AQR: variants seen among roughly 807,000 people sequenced by gnomAD.
AQR encodes the protein RNA helicase aquarius.
AQR carries 61 observed loss-of-function variants against 180.5 expected under a neutral mutation model. The ratio of observed to expected loss-of-function variants is 0.34; its 90% confidence interval spans 0.28 to 0.42. AQR has a LOEUF of 0.42. Ranked by LOEUF, AQR falls within the 10% of genes least tolerant of loss-of-function variation. The probability of loss-of-function intolerance (pLI) is 1.00; values close to 1 mark genes in which losing one functional copy is unlikely to be tolerated. For missense variants in AQR, 1,281 were observed against 1,798.3 expected, an observed-to-expected ratio of 0.71 and a Z score of 5.20; for synonymous variants, 551 against 588.8, an observed-to-expected ratio of 0.94 and a Z score of 0.93.
rs555651924 is a variant in AQR, at chr15:34,904,100, A to G, written c.2001+236T>C. The stretch of plus-strand genomic sequence containing the variant: ...TTTAGAATAACACTTGGATTCATCT[A>G]TATTTTAAGTTTTTAAACTCCTCAA... On this transcript the variant is annotated intron_variant, in intron 19 of 34. Coordinates refer to ENST00000156471, the MANE Select transcript of AQR (RefSeq NM_014691.3). Among the ~76,000 whole-genome samples the G allele has an allele frequency of 1.5e-3, 221 of 152,248 alleles. 2 individuals are homozygous for G. Among genetic ancestry groups the G allele is most frequent in the African/African-American group, 5.0e-3 (208 of 41,572 alleles).
chr15:34,893,478 T>C (rs1276412415), intron 23 of AQR, among the ~76,000 whole-genome samples, 185 bp downstream of exon 23: 1 of 152,080 alleles, frequency 6.6e-6, no homozygotes, highest in Non-Finnish European at 1.5e-5. Flanking sequence ...AGGGAACAGG[T>C]AGGCCAGGCT....
In AQR at chr15:34,948,535, A is replaced by G. The variant is rs1479814123; in HGVS notation, c.210-151T>C. The G allele has an allele frequency of 3.8e-6, 4 of 1,043,446 alleles. No homozygotes were observed. The Admixed American group carries it at 1.1e-4, about 30-fold the overall frequency. 64.6% of individuals were successfully genotyped at this position (1,043,446 alleles called of 1,614,324 possible). On this transcript the variant is annotated intron_variant, in intron 4 of 34. Transcript: ENST00000156471. ...CTTGGAATCCTTGGCTGGGTGTGGTAGCTCATGCCTGTAATCCCAGCACTT... is the reference window on the plus strand; with the variant it reads ...CTTGGAATCCTTGGCTGGGTGTGGTGGCTCATGCCTGTAATCCCAGCACTT...
chr15:34,955,926 T>C (rs1258085031), intron 3 of AQR, among the ~76,000 whole-genome samples: 2 of 145,168 alleles, frequency 1.4e-5, no homozygotes, highest in Non-Finnish European at 3.0e-5. Flanking sequence ...AAAAAAAAAA[T>C]GAAGCCAGCC....
chr15:34,900,094 T>C (rs1893308037), intron 20 of AQR, among the ~76,000 whole-genome samples: 1 of 151,968 alleles, frequency 6.6e-6, no homozygotes, highest in African/African-American at 2.4e-5. Flanking sequence ...GGTCTCGCTA[T>C]GTTGCCCAGG....
Position 34,874,868 on chromosome 15 carries a change from G to C in AQR, c.3238-4C>G. ...GGCTAAATCCATCCTGAGGATTCTA[G>C]AAATGAAAAGTAAGGAAATGGCAAA... On this transcript the variant is annotated splice_region_variant and splice_polypyrimidine_tract_variant and intron_variant, in intron 28 of 34. Transcript: ENST00000156471. 1 of 1,611,046 alleles carries C rather than the reference G, an allele frequency of 6.2e-7. No individual in the cohort carries two copies. Among genetic ancestry groups the C allele is most frequent in the Non-Finnish European group, 8.5e-7 (1 of 1,178,892 alleles).
chr15:34,961,503 C>T (rs1376171087), intron 2 of AQR, among the ~76,000 whole-genome samples: 5 of 150,394 alleles, frequency 3.3e-5, no homozygotes, highest in Admixed American at 1.3e-4. Context: ...CCAACTACTT[C>T]GGAGGCTGAG....
intron 32 of AQR, among the ~76,000 whole-genome samples, chr15:34,863,377 G>A (rs1892697981): frequency 6.6e-6 from 1 of 152,030 alleles, no homozygotes; most frequent in African/African-American, 2.4e-5. Context: ...GAGTCAATTC[G>A]AACTAGCTCT....
chr15:34,943,899 C>A (rs1894067939), intron 6 of AQR, among the ~76,000 whole-genome samples: 1 of 152,190 alleles, frequency 6.6e-6, no homozygotes, highest in Non-Finnish European at 1.5e-5. Flanking sequence ...TGATGAAAAG[C>A]AATGAAACTA....
intron 15 of AQR, 59 bp downstream of exon 15, chr15:34,918,199 T>C (rs1162502460): frequency 6.3e-6 from 10 of 1,578,218 alleles, no homozygotes; most frequent in Non-Finnish European, 8.6e-6. Context: ...TTGCCAATTA[T>C]ATATGATAAA....
chr15:34,953,509 T>A (rs1016508844), intron 3 of AQR, among the ~76,000 whole-genome samples: 4 of 152,192 alleles, frequency 2.6e-5, no homozygotes, highest in Non-Finnish European at 4.4e-5. Flanking sequence ...GAAACCACTA[T>A]CCTGTCAAAA....
At chr15:34,889,024 T>G (rs1000301406) in intron 24 of AQR, among the ~76,000 whole-genome samples, 1 of 152,238 alleles carries the variant, frequency 6.6e-6, no homozygotes, top group African/African-American at 2.4e-5. Flanking sequence ...ATTCTACCCC[T>G]ATTCTAATAT....
intron 30 of AQR, among the ~76,000 whole-genome samples, chr15:34,871,506 CAAA>C (rs916025647): frequency 4.3e-4 from 27 of 62,342 alleles, no homozygotes; most frequent in African/African-American, 1.2e-3. Flanking sequence ...ATCTCATCTC[CAAA>C]AAAAAAAAAA....
intron 13 of AQR, among the ~76,000 whole-genome samples, chr15:34,925,715 C>A (rs1192897812): frequency 6.7e-6 from 1 of 150,326 alleles, no homozygotes; most frequent in Non-Finnish European, 1.5e-5. Context: ...TGCCTGTAGT[C>A]CCAGCTATTC....
chr15:34,883,998 T>C (rs902532748), intron 26 of AQR, among the ~76,000 whole-genome samples: 6 of 152,196 alleles, frequency 3.9e-5, no homozygotes, highest in South Asian at 2.1e-4. Context: ...AGAACCATTA[T>C]TGAATTTCTT....
intron 4 of AQR, among the ~76,000 whole-genome samples, chr15:34,949,580 G>A (rs1894184357): frequency 8.3e-6 from 1 of 120,970 alleles, no homozygotes; most frequent in Non-Finnish European, 1.6e-5. Context: ...CTGCACTCCA[G>A]CCTGGCAACA....
In AQR at chr15:34,932,358, T is replaced by G; in HGVS notation, c.860A>C (p.Asn287Thr). Residue 287 changes from asparagine (N) to threonine (T), a missense_variant, in exon 11 of 35, where the codon AAT becomes ACT. Asn to Thr is a moderately conservative substitution (Grantham distance 65). Around this residue, in one of 9 missense-constraint regions of AQR, gnomAD observed 404 missense variants for 490.9 expected, o/e 0.82. Transcript: ENST00000156471. ...SHLLVHCYLSNLVRREEDGHL... is the reference protein window; with the variant it reads ...SHLLVHCYLSTLVRREEDGHL... ...GCCATCCTCTTCTCTACGAACAAGA[T>G]TGGAAAGGTAACAGTGAACCAGAAG... is the stretch of plus-strand genomic sequence containing the variant. 6.2e-7 allele frequency: 1 copy of G among 1,613,812 alleles called. No individual in the cohort carries two copies. The highest frequency in any genetic ancestry group is 8.5e-7 in the Non-Finnish European group (1 of 1,179,874).
chr15:34,887,360 G>C (rs1893078077), intron 24 of AQR, among the ~76,000 whole-genome samples: 1 of 152,144 alleles, frequency 6.6e-6, no homozygotes, highest in Admixed American at 6.5e-5. Context: ...TCACAAACTG[G>C]CTGCTTCAAA....
At chr15:34,901,928 C>A (rs899709538) in intron 19 of AQR, among the ~76,000 whole-genome samples, 1 of 152,188 alleles carries the variant, frequency 6.6e-6, no homozygotes, top group Non-Finnish European at 1.5e-5. Context: ...GGGCTCTGCC[C>A]TCTAAGGAAA....
At chr15:34,925,737 G>A (rs760313695) in intron 13 of AQR, among the ~76,000 whole-genome samples, 9 of 152,074 alleles carry the variant, frequency 5.9e-5, no homozygotes, top group Non-Finnish European at 1.0e-4. Context: ...GGAGGCTGAC[G>A]CAGGAGAATC....
Sources: gnomAD v4.1 joint callset for allele counts (sites outside exome capture counted in the v4.1 genomes callset) on GRCh38, gnomAD v4.1.1 for gene constraint, gnomAD v4.1.1 regional missense constraint, MANE v1.5 for transcripts, NCBI Gene and HGNC (gene_info 2026-07-23, HGNC 2026-07-21) for gene names.